TEP1: variants seen among roughly 807,000 people sequenced by gnomAD.
TEP1 encodes telomerase associated protein 1.
Under a neutral mutation model 306.3 loss-of-function variants are expected in TEP1, and 241 were observed. The observed-to-expected ratio is 0.79, with a 90% CI of 0.71 to 0.88. The LOEUF (loss-of-function observed/expected upper bound fraction) is 0.88, where lower values mean the gene tolerates loss of function less well. TEP1 is among the 40% of genes least tolerant of loss of function. The probability of loss-of-function intolerance (pLI) is 0.00; values close to 1 mark genes in which losing one functional copy is unlikely to be tolerated. For missense variants in TEP1, 3,051 were observed against 3,276.1 expected (o/e 0.93, Z 1.68); for synonymous variants, 1,289 against 1,305.5 (o/e 0.99, Z 0.27).
intron 9 of TEP1, among the ~76,000 whole-genome samples, chr14:20,399,539 A>G (rs1760900): frequency 0.24 from 34,740 of 145,498 alleles, 5,222 homozygotes; most frequent in African/African-American, 0.42. Context: ...CCTTTTATTT[A>G]TTTATATTTA....
Position 20,378,076 on chromosome 14 carries a change from G to A in TEP1, c.5669C>T (p.Ala1890Val), listed in dbSNP as rs202109956. 2.4e-5 allele frequency: 38 copies of A among 1,613,650 alleles called. No homozygotes were observed. The Middle Eastern group carries it at 6.6e-4, about 28-fold the overall frequency. ...FPAHHGFVAA[A>V]LFLHAGCQLL... ...CTGGCAACCCGCATGCAGGAAAAGC[G>A]CAGCAGCAACAAAGCCATGGTGGGC... The change falls in exon 39 of 55, where the codon GCG becomes GTG. Residue 1890 changes from alanine to valine, a missense_variant. By Grantham distance (64) the Ala-to-Val change is moderately conservative. This residue lies in a region of TEP1 where 1,540 missense variants were observed against 1,705.9 expected (regional missense o/e 0.90). Transcript: ENST00000262715.
chr14:20,387,988 T>C lies in TEP1; in HGVS notation c.2601A>G (p.Pro867=). The C allele has an allele frequency of 6.2e-7, 1 of 1,613,454 alleles. No homozygotes were observed. Residue 867 remains proline, a synonymous_variant, in exon 18 of 55, where the codon CCA becomes CCG. Transcript: ENST00000262715. ...ACTGGACCCCTGTCTTTCCTGGGGG[T>C]GGTGGAATCTTGAATATTTTGTCCA... ...GQMDKIFKIP[P]PPGKTGVQSL... is the part of the protein sequence containing the mutation.
Position 20,387,929 on chromosome 14 carries a change from G to A in TEP1, c.2660C>T (p.Pro887Leu). The A allele has an allele frequency of 1.9e-6, 3 of 1,609,000 alleles. No homozygotes were observed. Among genetic ancestry groups the A allele is most frequent in the Non-Finnish European group, 2.5e-6 (3 of 1,178,522 alleles). ...CCCTTGCTGGGAAACAGGAGCCAAGGGGCTTGGAGTGTCCTCTTCCAGTGG... is the reference window on the plus strand; with the variant it reads ...CCCTTGCTGGGAAACAGGAGCCAAGAGGCTTGGAGTGTCCTCTTCCAGTGG... ...LRPLEEDTPS[P>L]LAPVSQQGWR... Residue 887 changes from proline (P) to leucine (L), a missense_variant, in exon 18 of 55, where the codon CCC becomes CTC. Around this residue, in one of 3 missense-constraint regions of TEP1, gnomAD observed 1,507 missense variants for 1,550.5 expected, o/e 0.97. Transcript: ENST00000262715.
At chr14:20,406,497 A>G in intron 2 of TEP1, 97 bp from the exon 3 acceptor site, 1 of 1,260,304 alleles carries the variant, frequency 7.9e-7, no homozygotes, top group Non-Finnish European at 1.1e-6. Context: ...GGAAAAGTCT[A>G]CATCTCCATT....
rs1363937674 is a variant in TEP1, at chr14:20,374,540, CAG to C, written c.6364-6_6364-5del. 9 of 1,607,610 alleles carry C rather than the reference CAG, an allele frequency of 5.6e-6. No individual in the cohort carries two copies. Among genetic ancestry groups the C allele is most frequent in the Non-Finnish European group, 7.7e-6 (9 of 1,175,948 alleles). On this transcript the variant is annotated splice_polypyrimidine_tract_variant and splice_region_variant and intron_variant, in intron 43 of 54. Transcript: ENST00000262715. ...AGCCATCACTGGAGCAGGATATCTA[CAG>C]AGTCAGAAGTCAGAGGAGTGGGATT...
At chr14:20,390,293 A>G (rs1055695113) in intron 15 of TEP1, among the ~76,000 whole-genome samples, 1 of 152,180 alleles carries the variant, frequency 6.6e-6, no homozygotes, top group Non-Finnish European at 1.5e-5. Context: ...CTTCCTAATA[A>G]TTTTACTACA....
At chr14:20,405,323 A>C in intron 4 of TEP1, 128 bp downstream of exon 4, 3 of 1,309,078 alleles carry the variant, frequency 2.3e-6, no homozygotes, top group Non-Finnish European at 3.2e-6. Flanking sequence ...AGACTCACCC[A>C]GAAATCCTTC....
chr14:20,408,133 C>A lies in TEP1; in HGVS notation c.307G>T (p.Asp103Tyr). The A allele has an allele frequency of 1.2e-6, 2 of 1,610,104 alleles. No individual in the cohort carries two copies. Among genetic ancestry groups the A allele is most frequent in the Non-Finnish European group, 1.7e-6 (2 of 1,177,676 alleles). ...CACCGGTTCTCCAAGGAGAGGATGT[C>A]TGGGTGGGCAGAAACATGTCCATGT... ...KPHGHVSAHP[D>Y]ILSLENRCLA... is the part of the protein sequence containing the mutation. Residue 103 changes from aspartate to tyrosine, a missense_variant, in exon 2 of 55, where the codon GAC becomes TAC. By Grantham distance (160) the Asp-to-Tyr change is radical. Coordinates refer to ENST00000262715, the MANE Select transcript of TEP1 (RefSeq NM_007110.5).
At chr14:20,403,590 C>T (rs1309887145) in intron 6 of TEP1, 133 bp downstream of exon 6, 1 of 1,582,936 alleles carries the variant, frequency 6.3e-7, no homozygotes, top group Admixed American at 1.8e-5. Flanking sequence ...TGCCCATGAG[C>T]TCTACCCAGC....
In TEP1 at chr14:20,373,092, T is replaced by C. The variant is rs377747167; in HGVS notation, c.6870A>G (p.Pro2290=). 8 of 1,614,088 alleles carry C rather than the reference T, an allele frequency of 5.0e-6. No individual in the cohort carries two copies. The highest frequency in any genetic ancestry group is 6.8e-6 in the Non-Finnish European group (8 of 1,180,042). The change falls in exon 48 of 55, where the codon CCA becomes CCG. Residue 2290 remains proline (P), a synonymous_variant. Transcript: ENST00000262715. ...TTCCAGATACTGCCATGGAACCATC[T>C]GGTGCCCAAGCCACAGCAGTGACGG... The part of the protein sequence containing the change: ...SAAVTAVAWA[P]DGSMAVSGNQ...
Position 20,388,077 on chromosome 14 carries a change from C to T in TEP1, c.2526-14G>A, listed in dbSNP as rs748496660. 1 of 1,613,564 alleles carries T rather than the reference C, an allele frequency of 6.2e-7. No individual in the cohort carries two copies. Among genetic ancestry groups the T allele is most frequent in the African/African-American group, 1.3e-5 (1 of 74,892 alleles). Reference sequence around the variant, plus strand: ...TCTGCAATGAACCTGACATAAATAACAAGATAAATGAGAGTAGAATACCAC... The same window carrying T: ...TCTGCAATGAACCTGACATAAATAATAAGATAAATGAGAGTAGAATACCAC... On this transcript the variant is annotated splice_polypyrimidine_tract_variant and intron_variant, in intron 17 of 54. Coordinates refer to ENST00000262715, the MANE Select transcript of TEP1 (RefSeq NM_007110.5).
chr14:20,401,446 C>T lies in TEP1; in HGVS notation c.1391+11G>A. 6.2e-7 allele frequency: 1 copy of T among 1,613,410 alleles called. No homozygotes were observed. Among genetic ancestry groups the T allele is most frequent in the South Asian group, 1.1e-5 (1 of 90,950 alleles). ...TTAGATGGAATGCATGCTCAGGGTGCAGCTTCTCACCTGTAACCCAGCAGG... is the reference window on the plus strand; with the variant it reads ...TTAGATGGAATGCATGCTCAGGGTGTAGCTTCTCACCTGTAACCCAGCAGG... On this transcript the variant is annotated intron_variant, in intron 8 of 54. Coordinates refer to ENST00000262715, the MANE Select transcript of TEP1 (RefSeq NM_007110.5).
intron 16 of TEP1, 149 bp from the exon 17 acceptor site, chr14:20,389,446 GGT>G: frequency 7.1e-7 from 1 of 1,411,478 alleles, no homozygotes; most frequent in Non-Finnish European, 9.9e-7. Flanking sequence ...CTCACAGAGG[GGT>G]ACAGAGTTAG....
intron 15 of TEP1, 123 bp from the exon 16 acceptor site, chr14:20,389,863 G>T (rs765483843): frequency 5.4e-6 from 7 of 1,297,638 alleles, no homozygotes; most frequent in Non-Finnish European, 7.3e-6. Flanking sequence ...TCTCCTGAGA[G>T]CACATAGAAT....
chr14:20,383,689 A>AT, intron 25 of TEP1, 45 bp from the exon 26 acceptor site: 1 of 1,595,752 alleles, frequency 6.3e-7, no homozygotes, highest in Non-Finnish European at 8.6e-7. Flanking sequence ...AGAAAAAAAA[A>AT]GCAGGGGTGG....
At position 20,383,766 on chromosome 14, in the gene TEP1, T is replaced by G. The variant is rs1168264449; in HGVS notation, c.3687A>C (p.Pro1229=). The stretch of plus-strand genomic sequence containing the variant: ...ACCGGTAGGTGCTGGGGAGGGCACC[T>G]GGCTCTTTTAGTTGGCCACGCAGAT... ...CTYLRGQLKE[P]GALPSTYRSL... is the part of the protein sequence containing the mutation. Residue 1229 remains proline (P), a synonymous_variant, in exon 25 of 55, where the codon CCA becomes CCC. Coordinates refer to ENST00000262715, the MANE Select transcript of TEP1 (RefSeq NM_007110.5). 4 of 1,611,784 alleles carry G rather than the reference T, an allele frequency of 2.5e-6. No individual in the cohort carries two copies. In the East Asian group the frequency reaches 8.9e-5, roughly 36 times the overall value.
rs982823221 is a variant in TEP1 at position 20,368,064 on chromosome 14, C to A, written c.*373G>T. Reference sequence around the variant, plus strand: ...TCTGTTCAAATTGAATGTTGGCCAACATCACTCTCATTCCTCCTCCTGGCA... The same window carrying A: ...TCTGTTCAAATTGAATGTTGGCCAAAATCACTCTCATTCCTCCTCCTGGCA... On this transcript the variant is annotated 3_prime_UTR_variant, in exon 55 of 55. Coordinates refer to ENST00000262715, the MANE Select transcript of TEP1 (RefSeq NM_007110.5). The A allele has an allele frequency of 5.7e-6, 1 of 174,616 alleles. No homozygotes were observed. The highest frequency in any genetic ancestry group is 1.5e-4 in the East Asian group (1 of 6,648). 10.8% of individuals were successfully genotyped at this position (174,616 alleles called of 1,614,324 possible).
In TEP1 at chr14:20,401,134, AG is replaced by A. The variant is rs2139171315; in HGVS notation, c.1398del (p.Ser467ProfsTer24). 3 of 1,614,136 alleles carry A rather than the reference AG, an allele frequency of 1.9e-6. No homozygotes were observed. Among genetic ancestry groups the A allele is most frequent in the Non-Finnish European group, 2.5e-6 (3 of 1,180,022 alleles). On this transcript the variant is annotated frameshift_variant, in exon 9 of 55. Coordinates refer to ENST00000262715, the MANE Select transcript of TEP1 (RefSeq NM_007110.5). LOFTEE classifies it high-confidence loss of function. ...CTTCGAGAAAAGAGCTGTAGGTTGG[AG>A]GGGTATCTGAGGATAGGTAAGAAAG... is the stretch of plus-strand genomic sequence containing the variant. ...HVQALLGYRY[P>X]SNLQLFSRSR...
intron 18 of TEP1, 127 bp from the exon 19 acceptor site, chr14:20,386,750 G>A (rs1877201073): frequency 1.8e-6 from 2 of 1,100,984 alleles, no homozygotes; most frequent in Non-Finnish European, 2.4e-6. Context: ...TGGGTGCCCA[G>A]CAGGCCTTCA....
Sources: gnomAD v4.1 joint callset for allele counts (sites outside exome capture counted in the v4.1 genomes callset) on GRCh38, gnomAD v4.1.1 for gene constraint, gnomAD v4.1.1 regional missense constraint, MANE v1.5 for transcripts, NCBI Gene and HGNC (gene_info 2026-07-23, HGNC 2026-07-21) for gene names.